Variants in HOOK3 observed in about 807,000 individuals in gnomAD.
HOOK3 encodes the protein protein Hook homolog 3.
In HOOK3, 24 loss-of-function variants were observed where a neutral mutation model predicts 116.3. The ratio of observed to expected loss-of-function variants is 0.21; its 90% CI spans 0.15 to 0.29. The LOEUF is 0.29. Among genes scored for constraint, HOOK3 ranks in the 10% least tolerant of loss-of-function variants. The pLI is 1.00. For missense variants in HOOK3, 632 were observed against 830.2 expected (o/e 0.76, Z 2.93); for synonymous variants, 275 against 283.0 (o/e 0.97, Z 0.28).
intron 8 of HOOK3, among the ~76,000 whole-genome samples, chr8:42,961,851 A>C (rs993206806): frequency 1.3e-5 from 2 of 152,080 alleles, no homozygotes; most frequent in African/African-American, 4.8e-5. Flanking sequence ...CAGTGGTGCA[A>C]TCTTGGCTCA....
intron 16 of HOOK3, 175 bp downstream of exon 16, chr8:42,997,812 T>C (rs1809307996): frequency 1.8e-6 from 1 of 544,170 alleles, no homozygotes; most frequent in Non-Finnish European, 3.3e-6. Flanking sequence ...GATAGTACTT[T>C]ATTGTCTCTT....
chr8:42,934,878 T>C (rs757462140), intron 4 of HOOK3, among the ~76,000 whole-genome samples: 7 of 152,170 alleles, frequency 4.6e-5, no homozygotes. Flanking sequence ...TTATAGTACA[T>C]TGATTTATAA....
rs775307721 is a variant in HOOK3 at position 43,010,383 on chromosome 8, A to G, written c.1817A>G (p.Lys606Arg). ...AAGCAAATGGAAGAACGATACAAAA[A>G]ATACTTAGAGAAAGCCAAAAGTGTA... ...EMKQMEERYKKYLEKAKSVIR... is the reference protein window; with the variant it reads ...EMKQMEERYKRYLEKAKSVIR... The change falls in exon 19 of 22, where the codon AAA (lysine) becomes AGA (arginine). Residue 606 changes from lysine (K) to arginine (R), a missense_variant. Physicochemically the swap from Lys to Arg is conservative, Grantham distance 26 (BLOSUM62 2). This residue lies in a region of HOOK3 where 483 missense variants were observed against 648.1 expected (regional missense o/e 0.75). Coordinates refer to ENST00000307602, the MANE Select transcript of HOOK3 (RefSeq NM_032410.4). 1 of 1,467,590 alleles carries G rather than the reference A, an allele frequency of 6.8e-7. No individual in the cohort carries two copies. Among genetic ancestry groups the G allele is most frequent in the Non-Finnish European group, 9.1e-7 (1 of 1,098,376 alleles). 90.9% of individuals were successfully genotyped at this position (1,467,590 alleles called of 1,614,324 possible). A position where few individuals can be genotyped will look rare whatever the true frequency, so the allele number is the denominator to read the frequency against.
At chr8:42,942,349 T>C (rs1009200954) in intron 4 of HOOK3, among the ~76,000 whole-genome samples, 1 of 152,240 alleles carries the variant, frequency 6.6e-6, no homozygotes, top group Non-Finnish European at 1.5e-5. Context: ...CAGAAAAGCA[T>C]ACCATATGTA....
chr8:42,946,431 G>A (rs1487262601), intron 5 of HOOK3, among the ~76,000 whole-genome samples: 1 of 152,056 alleles, frequency 6.6e-6, no homozygotes, highest in African/African-American at 2.4e-5. Context: ...AGTGAGAAAA[G>A]GATGAAGGAA....
At chr8:43,000,424 A>G (rs1393639529) in intron 16 of HOOK3, 5 of 411,390 alleles carry the variant, frequency 1.2e-5, no homozygotes, top group African/African-American at 2.1e-5. Flanking sequence ...TAAGACCTTT[A>G]CAATTAAGAT....
At chr8:42,960,231 C>A (rs1271871804) in intron 8 of HOOK3, among the ~76,000 whole-genome samples, 1 of 152,214 alleles carries the variant, frequency 6.6e-6, no homozygotes, top group Non-Finnish European at 1.5e-5. Flanking sequence ...ACAATTTTAT[C>A]ATGGCTCCTT....
chr8:42,978,916 T>C (rs1808879983), intron 13 of HOOK3, among the ~76,000 whole-genome samples: 1 of 152,180 alleles, frequency 6.6e-6, no homozygotes, highest in Admixed American at 6.5e-5. Context: ...TCATACCTAG[T>C]GGCAGGTAAT....
intron 1 of HOOK3, chr8:42,897,418 G>T: frequency 5.3e-6 from 2 of 375,290 alleles, no homozygotes; most frequent in South Asian, 1.5e-4. Context: ...AACGCGGCGG[G>T]CGACTCTGGG....
chr8:42,908,728 G>A (rs1290307793), intron 2 of HOOK3, among the ~76,000 whole-genome samples: 1 of 152,120 alleles, frequency 6.6e-6, no homozygotes, highest in Non-Finnish European at 1.5e-5. Flanking sequence ...AAACATAGGG[G>A]GAGAGCTTCT....
intron 4 of HOOK3, among the ~76,000 whole-genome samples, chr8:42,938,425 A>G (rs945268367): frequency 2.0e-5 from 3 of 152,064 alleles, no homozygotes; most frequent in Admixed American, 2.0e-4. Context: ...TGTGAATTTG[A>G]TCCTGTCATT....
chr8:42,976,276 T>C (rs1170581777), intron 13 of HOOK3, among the ~76,000 whole-genome samples: 2 of 151,112 alleles, frequency 1.3e-5, no homozygotes, highest in African/African-American at 4.9e-5. Flanking sequence ...GAGGCTGAGG[T>C]GGACAGAGGG....
At chr8:42,978,504 G>A (rs867597181) in intron 13 of HOOK3, among the ~76,000 whole-genome samples, 56 of 151,658 alleles carry the variant, frequency 3.7e-4, no homozygotes, top group Non-Finnish European at 2.9e-4. Context: ...TCCGCCTCTC[G>A]GTTTCAAGCG....
At chr8:42,910,096 CAT>C (rs1807393513) in intron 2 of HOOK3, among the ~76,000 whole-genome samples, 3 of 152,138 alleles carry the variant, frequency 2.0e-5, no homozygotes, top group South Asian at 4.1e-4. Flanking sequence ...CACCATAAAA[CAT>C]AAAAATTTGA....
Position 42,959,239 on chromosome 8 carries a change from A to C in HOOK3, c.540A>C (p.Lys180Asn), listed in dbSNP as rs1224402789. Reference sequence around the variant, plus strand: ...TCTTTGTTTCTAACCAGCTGAAGAAAACTACAGAGGAACTAAATGAAGCTT... The same window carrying C: ...TCTTTGTTTCTAACCAGCTGAAGAACACTACAGAGGAACTAAATGAAGCTT... ...AYVDLDRQLK[K>N]TTEELNEALS... Residue 180 changes from lysine to asparagine, a missense_variant, in exon 8 of 22, where the codon AAA becomes AAC. By Grantham distance (94) the Lys-to-Asn change is moderately conservative. This residue lies in a region of HOOK3 where 483 missense variants were observed against 648.1 expected (regional missense o/e 0.75). Transcript: ENST00000307602. 1 of 1,611,556 alleles carries C rather than the reference A, an allele frequency of 6.2e-7. No individual in the cohort carries two copies.
At position 42,967,599 on chromosome 8, in the gene HOOK3, G is replaced by T. The variant is rs952759486; in HGVS notation, c.921-414G>T. On this transcript the variant is annotated intron_variant, in intron 10 of 21. Transcript: ENST00000307602. Reference sequence around the variant, plus strand: ...TTAGGTCTCTTTAATCTTAAAAAGAGAGGGAGTTATTACTCTCTCCTTCCC... The same window carrying T: ...TTAGGTCTCTTTAATCTTAAAAAGATAGGGAGTTATTACTCTCTCCTTCCC... Among the ~76,000 whole-genome samples the T allele has an allele frequency of 3.3e-5, 5 of 152,132 alleles. No homozygotes were observed. The East Asian group carries it at 5.8e-4, about 18-fold the overall frequency.
chr8:42,897,280 G>A (rs1563284300), intron 1 of HOOK3, 92 bp downstream of exon 1: 11 of 905,596 alleles, frequency 1.2e-5, no homozygotes, highest in Admixed American at 8.7e-5. Flanking sequence ...AGCGCTGCGG[G>A]CGACGGTGCC....
At chr8:42,911,625 GA>G (rs1807430805) in intron 2 of HOOK3, among the ~76,000 whole-genome samples, 1 of 152,156 alleles carries the variant, frequency 6.6e-6, no homozygotes, top group Non-Finnish European at 1.5e-5. Context: ...AATTCAGAAG[GA>G]AGATAATGGT....
At chr8:43,012,324 T>TGTACTGTACA (rs1447329923) in intron 19 of HOOK3, among the ~76,000 whole-genome samples, 1 of 152,226 alleles carries the variant, frequency 6.6e-6, no homozygotes, top group African/African-American at 2.4e-5. Context: ...AGCACATTAC[T>TGTACTGTACA]GTACTGAATA....
Sources: allele counts gnomAD v4.1 joint callset (sites outside exome capture counted in the v4.1 genomes callset), GRCh38; gene constraint gnomAD v4.1.1; regional missense constraint gnomAD v4.1.1; transcripts MANE v1.5; gene names NCBI Gene and HGNC (gene_info 2026-07-23, HGNC 2026-07-21).